The following MAST2 variants were observed in gnomAD, a reference collection of about 807,000 sequenced individuals.
The protein encoded by MAST2 is microtubule associated serine/threonine kinase 2.
A neutral mutation model predicts 147.4 loss-of-function variants in MAST2; 70 were observed. That is an observed-to-expected ratio of 0.47 (90% confidence interval 0.39 to 0.58). The LOEUF is 0.58. Among genes scored for constraint, MAST2 ranks in the 20% least tolerant of loss-of-function variants. The pLI, the probability that MAST2 is intolerant of heterozygous loss-of-function variation, is 0.00. For synonymous variants in MAST2, 869 were observed against 896.8 expected (o/e 0.97, Z 0.55); for missense variants, 2,080 against 2,302.3 (o/e 0.90, Z 1.98).
chr1:45,912,537 C>T (rs1338578554), intron 4 of MAST2, among the ~76,000 whole-genome samples: 1 of 152,172 alleles, frequency 6.6e-6, no homozygotes, highest in Non-Finnish European at 1.5e-5. Flanking sequence ...GTGTGACCCA[C>T]ATTTGAAAAA....
intron 1 of MAST2, among the ~76,000 whole-genome samples, chr1:45,809,631 C>T (rs945436077): frequency 2.0e-4 from 31 of 152,134 alleles, no homozygotes; most frequent in African/African-American, 6.3e-4. Context: ...GACCGTGTCT[C>T]GTAAAGAAAG....
At chr1:46,001,981 C>T (rs1645292848) in intron 6 of MAST2, among the ~76,000 whole-genome samples, 1 of 152,128 alleles carries the variant, frequency 6.6e-6, no homozygotes. Context: ...TACCCTTAAG[C>T]TCTACAAAAA....
Position 46,034,848 on chromosome 1 carries a change from TGCGGAGCCACCCC to T in MAST2, c.4181_4193del (p.Ala1394ValfsTer25). 1 of 1,613,644 alleles carries T rather than the reference TGCGGAGCCACCCC, an allele frequency of 6.2e-7. No homozygotes were observed. The highest frequency in any genetic ancestry group is 1.1e-5 in the South Asian group (1 of 91,044). On this transcript the variant is annotated frameshift_variant, in exon 29 of 29. Coordinates refer to ENST00000361297, the MANE Select transcript of MAST2 (RefSeq NM_015112.3). LOFTEE classifies it low-confidence loss of function (END_TRUNC). ...GCAGGCAACTCTCACGGCCCAAGAG[TGCGGAGCCACCCC>T]GTTCACCACTACTCAAGAGGGTGCA...
intron 6 of MAST2, 150 bp from the exon 7 acceptor site, chr1:46,002,655 A>G (rs1645318772): frequency 1.5e-6 from 1 of 650,880 alleles, no homozygotes; most frequent in Non-Finnish European, 2.8e-6. Flanking sequence ...GGGGAGAGAT[A>G]TAAAAGCATG....
At chr1:45,808,306 T>G (rs1350701156) in intron 1 of MAST2, among the ~76,000 whole-genome samples, 1 of 152,084 alleles carries the variant, frequency 6.6e-6, no homozygotes, top group Non-Finnish European at 1.5e-5. Flanking sequence ...TCTCGGCTTA[T>G]TGTAACCTCT....
Position 46,032,267 on chromosome 1 carries a change from G to A in MAST2, c.3277G>A (p.Asp1093Asn). The A allele has an allele frequency of 1.2e-6, 2 of 1,614,180 alleles. No homozygotes were observed. The highest frequency in any genetic ancestry group is 1.7e-6 in the Non-Finnish European group (2 of 1,180,040). The change falls in exon 25 of 29, where the codon GAC (aspartate) becomes AAC (asparagine). Residue 1093 changes from aspartate (D) to asparagine (N), a missense_variant. This residue lies in a region of MAST2 where 1,278 missense variants were observed against 1,304.2 expected (regional missense o/e 0.98). Transcript: ENST00000361297. The part of the protein sequence containing the change: ...PSSRDSSPSR[D>N]FLPALGSMRP... ...ATCCCGGGACTCTTCTCCAAGCAGG[G>A]ACTTCTTGCCAGCCCTTGGCAGCAT...
chr1:45,821,562 C>G (rs1644632067), intron 1 of MAST2, among the ~76,000 whole-genome samples: 2 of 143,346 alleles, frequency 1.4e-5, no homozygotes, highest in Non-Finnish European at 3.0e-5. Flanking sequence ...GTTCTGTTAC[C>G]CAGGCTGAAG....
chr1:45,820,893 CTT>C (rs769508054), intron 1 of MAST2, among the ~76,000 whole-genome samples: 2 of 43,078 alleles, frequency 4.6e-5, no homozygotes, highest in South Asian at 1.0e-3. Flanking sequence ...CTTTCTTTCT[CTT>C]TTTTTTTTTT....
intron 3 of MAST2, among the ~76,000 whole-genome samples, chr1:45,859,516 G>A (rs935126405): frequency 1.3e-5 from 2 of 152,200 alleles, no homozygotes; most frequent in Admixed American, 1.3e-4. Flanking sequence ...AAAGTGGTGC[G>A]TGCAAGAGAA....
intron 1 of MAST2, among the ~76,000 whole-genome samples, chr1:45,811,426 C>T (rs994193240): frequency 6.6e-6 from 1 of 151,430 alleles, no homozygotes; most frequent in Non-Finnish European, 1.5e-5. Context: ...GCAAGCTCCG[C>T]CTCCCGGGTT....
At chr1:45,944,993 T>G (rs1001289280) in intron 4 of MAST2, among the ~76,000 whole-genome samples, 1 of 152,198 alleles carries the variant, frequency 6.6e-6, no homozygotes, top group African/African-American at 2.4e-5. Context: ...TAGCTGTCAT[T>G]AAAAAATGAC....
intron 3 of MAST2, among the ~76,000 whole-genome samples, chr1:45,868,624 T>C (rs1646258648): frequency 6.6e-6 from 1 of 152,088 alleles, no homozygotes; most frequent in African/African-American, 2.4e-5. Context: ...TTGGAGGATA[T>C]ATGACAACAT....
chr1:45,867,249 T>C (rs1301716341), intron 3 of MAST2, among the ~76,000 whole-genome samples: 1 of 152,250 alleles, frequency 6.6e-6, no homozygotes, highest in African/African-American at 2.4e-5. Context: ...AAAGTGTGCC[T>C]GGTGGTACAG....
In MAST2 at chr1:45,906,976, A is replaced by G. The variant is rs116960406; in HGVS notation, c.500+24581A>G. ...GTGTTACAGTTGCTTACAGTATTCA[A>G]TGCAGTAACATGCTATACAGGTTTG... On this transcript the variant is annotated intron_variant, in intron 4 of 28. Coordinates refer to ENST00000361297, the MANE Select transcript of MAST2 (RefSeq NM_015112.3). Among the ~76,000 whole-genome samples the G allele has an allele frequency of 5.6e-4, 86 of 152,284 alleles. No homozygotes were observed. In the East Asian group the frequency reaches 0.013, roughly 23 times the overall value.
intron 4 of MAST2, among the ~76,000 whole-genome samples, chr1:45,884,572 TAAAA>T (rs1646999257): frequency 6.6e-6 from 1 of 151,908 alleles, no homozygotes; most frequent in South Asian, 2.1e-4. Context: ...AATAAATAAA[TAAAA>T]AAGCCTACTC....
intron 3 of MAST2, among the ~76,000 whole-genome samples, chr1:45,858,874 C>A (rs1219453936): frequency 6.6e-6 from 1 of 152,094 alleles, no homozygotes; most frequent in East Asian, 1.9e-4. Flanking sequence ...ATAGGGAATC[C>A]TTTCCCCATT....
At chr1:45,870,559 T>C (rs562941797) in intron 3 of MAST2, among the ~76,000 whole-genome samples, 38 of 151,350 alleles carry the variant, frequency 2.5e-4, no homozygotes, top group African/African-American at 8.9e-4. Context: ...AAACCTTTGC[T>C]GATTTGTTCT....
In MAST2 at chr1:46,032,174, C is replaced by T. The variant is rs367721428; in HGVS notation, c.3188-4C>T. The T allele has an allele frequency of 3.1e-6, 5 of 1,613,446 alleles. No individual in the cohort carries two copies. The highest frequency in any genetic ancestry group is 3.4e-6 in the Non-Finnish European group (4 of 1,179,492). The stretch of plus-strand genomic sequence containing the variant: ...CCACTAAGTCCTGGCTTCTCCTTCT[C>T]CAGAACACCACACCTGCTCCCCGTT... On this transcript the variant is annotated splice_region_variant and splice_polypyrimidine_tract_variant and intron_variant, in intron 24 of 28. Coordinates refer to ENST00000361297, the MANE Select transcript of MAST2 (RefSeq NM_015112.3).
chr1:45,848,963 G>A lies in MAST2; in HGVS notation c.468+19382G>A, dbSNP rs536553537. On this transcript the variant is annotated intron_variant, in intron 3 of 28. Coordinates refer to ENST00000361297, the MANE Select transcript of MAST2 (RefSeq NM_015112.3). Reference sequence around the variant, plus strand: ...ACAGCCCAGCTGGGAGCCAAATCAGGAAGGCAATCCCATTCACAATTACCA... The same window carrying A: ...ACAGCCCAGCTGGGAGCCAAATCAGAAAGGCAATCCCATTCACAATTACCA... Among the ~76,000 whole-genome samples, 160 of 152,268 alleles carry A rather than the reference G, an allele frequency of 1.1e-3. 1 individual carries two copies. The highest frequency in any genetic ancestry group is 1.5e-3 in the Non-Finnish European group (100 of 68,012).
Sources: allele counts gnomAD v4.1 joint callset (sites outside exome capture counted in the v4.1 genomes callset), GRCh38; gene constraint gnomAD v4.1.1; regional missense constraint gnomAD v4.1.1; transcripts MANE v1.5; gene names NCBI Gene and HGNC (gene_info 2026-07-23, HGNC 2026-07-21).